IL3: variants seen among roughly 807,000 people sequenced by gnomAD.
IL3 encodes the protein interleukin 3.
In IL3, 15 loss-of-function variants were observed where a neutral mutation model predicts 15.4. That is an observed-to-expected ratio of 0.97 (90% CI 0.65 to 1.50). The LOEUF (loss-of-function observed/expected upper bound fraction) is 1.50. IL3 is among the 40% of genes most tolerant of loss of function. IL3 has a pLI of 0.00. For synonymous variants in IL3, 74 were observed against 79.3 expected (o/e 0.93, Z 0.36); for missense variants, 162 against 192.2 (o/e 0.84, Z 0.93).
chr5:132,061,768 A>ATT (rs11314637), intron 2 of IL3, among the ~76,000 whole-genome samples: 10 of 118,430 alleles, frequency 8.4e-5, no homozygotes, highest in Admixed American at 1.7e-4. Context: ...CTCCCCACCC[A>ATT]TTTTTTTTTT....
chr5:132,062,328 G>A lies in IL3; in HGVS notation c.221G>A (p.Arg74Lys). 6.2e-7 allele frequency: 1 copy of A among 1,614,016 alleles called. No individual in the cohort carries two copies. The highest frequency in any genetic ancestry group is 8.5e-7 in the Non-Finnish European group (1 of 1,179,842). Residue 74 changes from arginine (R) to lysine (K), a missense_variant, in exon 3 of 5, where the codon AGG becomes AAG. Arg to Lys is a conservative substitution (Grantham distance 26, BLOSUM62 2). Transcript: ENST00000296870. The part of the protein sequence containing the change: ...QDILMENNLR[R>K]PNLEAFNRAV... ...CCCCGTTAGGAAAATAACCTTCGAA[G>A]GCCAAACCTGGAGGCATTCAACAGG...
chr5:132,062,721 T>C lies in IL3; in HGVS notation c.389T>C (p.Leu130Pro). 8 of 1,614,204 alleles carry C rather than the reference T, an allele frequency of 5.0e-6. No individual in the cohort carries two copies. Among genetic ancestry groups the C allele is most frequent in the Non-Finnish European group, 5.9e-6 (7 of 1,180,014 alleles). Residue 130 changes from leucine (L) to proline (P), a missense_variant, in exon 5 of 5, where the codon CTG becomes CCG. Physicochemically the swap from Leu to Pro is moderately conservative, Grantham distance 98 (BLOSUM62 -3). Transcript: ENST00000296870. Reference protein sequence around the residue: ...DGDWNEFRRKLTFYLKTLENA... With the variant: ...DGDWNEFRRKPTFYLKTLENA... ...GACTGGAATGAATTCCGGAGGAAAC[T>C]GACGTTCTATCTGAAAACCCTTGAG...
intron 2 of IL3, among the ~76,000 whole-genome samples, chr5:132,061,444 C>T (rs1580731525): frequency 6.6e-6 from 1 of 152,166 alleles, no homozygotes; most frequent in Non-Finnish European, 1.5e-5. Flanking sequence ...TTCATGGTTC[C>T]AGTTGGTTGC....
rs188641601 is a variant in IL3, at chr5:132,062,798, C to T, written c.*7C>T. On this transcript the variant is annotated 3_prime_UTR_variant, in exon 5 of 5. Transcript: ENST00000296870. ...GAGCCTCGCGATCTTTTGAGTCCAA[C>T]GTCCAGCTCGTTCTCTGGGCCTTCT... 163 of 1,610,548 alleles carry T rather than the reference C, an allele frequency of 1.0e-4. No individual in the cohort carries two copies. Among genetic ancestry groups the T allele is most frequent in the Admixed American group, 2.7e-4 (16 of 59,878 alleles).
rs1352207829 is a variant in IL3, at chr5:132,060,967, G to A, written c.163G>A (p.Asp55Asn). 1.2e-6 allele frequency: 2 copies of A among 1,614,168 alleles called. No individual in the cohort carries two copies. Among genetic ancestry groups the A allele is most frequent in the South Asian group, 2.2e-5 (2 of 91,070 alleles). The change falls in exon 2 of 5, where the codon GAC becomes AAC. Residue 55 changes from aspartate to asparagine, a missense_variant and splice_region_variant. Asp to Asn is a conservative substitution (Grantham distance 23, BLOSUM62 1). Coordinates refer to ENST00000296870, the MANE Select transcript of IL3 (RefSeq NM_000588.4). ...HLKQPPLPLL[D>N]FNNLNGEDQD... The stretch of plus-strand genomic sequence containing the variant: ...CCTTTCTCTCCCTTCACCCCCACAG[G>A]ACTTCAACAACCTCAATGGGGAAGA...
chr5:132,062,477 T>C (rs1412263669), intron 3 of IL3, 49 bp from the exon 4 acceptor site: 1 of 1,613,176 alleles, frequency 6.2e-7, no homozygotes, highest in South Asian at 1.1e-5. Context: ...CAGGGCCCAC[T>C]CCCTTTCCAA....
rs569464811 is a variant in IL3 at position 132,061,183 on chromosome 5, C to G, written c.204+175C>G. On this transcript the variant is annotated intron_variant, in intron 2 of 4. Coordinates refer to ENST00000296870, the MANE Select transcript of IL3 (RefSeq NM_000588.4). ...CAATGTGCATGTTCTGGCCCAGCAT[C>G]TGGCACTTAAGAGTTCAATACATGG... Among the ~76,000 whole-genome samples the G allele has an allele frequency of 1.7e-3, 257 of 152,356 alleles. 1 individual carries two copies. Among genetic ancestry groups the G allele is most frequent in the African/African-American group, 5.9e-3 (245 of 41,586 alleles).
In IL3 at chr5:132,060,768, C is replaced by G. The variant is rs1229248309; in HGVS notation, c.62C>G (p.Pro21Arg). The change falls in exon 1 of 5, where the codon CCC becomes CGC. Residue 21 changes from proline (P) to arginine (R), a missense_variant. Physicochemically the swap from Pro to Arg is moderately radical, Grantham distance 103 (BLOSUM62 -2). Transcript: ENST00000296870. ...CTGGTCCGCCCCGGACTCCAAGCTC[C>G]CATGACCCAGACAACGCCCTTGAAG... ...QLLVRPGLQAPMTQTTPLKTS... is the reference protein window; with the variant it reads ...QLLVRPGLQARMTQTTPLKTS... 1 of 1,614,172 alleles carries G rather than the reference C, an allele frequency of 6.2e-7. No individual in the cohort carries two copies. The highest frequency in any genetic ancestry group is 1.1e-5 in the South Asian group (1 of 91,076).
intron 4 of IL3, 36 bp from the exon 5 acceptor site, chr5:132,062,633 G>GA (rs1225050276): frequency 6.2e-7 from 1 of 1,613,634 alleles, no homozygotes. Context: ...TTACAGCCTG[G>GA]ACTCACCTAA....
rs752253686 is a variant in IL3, at chr5:132,062,414, G to C, written c.294+13G>C. 5 of 1,613,578 alleles carry C rather than the reference G, an allele frequency of 3.1e-6. No homozygotes were observed. The highest frequency in any genetic ancestry group is 3.3e-5 in the Admixed American group (2 of 60,030). On this transcript the variant is annotated intron_variant, in intron 3 of 4. Transcript: ENST00000296870. Reference sequence around the variant, plus strand: ...GAGCATTCTTAAAGTATGTGAAGCTGTTGAGGGTTTGGGATCCCTGTGTTG... The same window carrying C: ...GAGCATTCTTAAAGTATGTGAAGCTCTTGAGGGTTTGGGATCCCTGTGTTG...
intron 2 of IL3, among the ~76,000 whole-genome samples, chr5:132,061,276 G>A (rs548831255): frequency 2.0e-5 from 3 of 152,338 alleles, no homozygotes; most frequent in African/African-American, 7.2e-5. Flanking sequence ...TTCTAGGTGA[G>A]GAATACCAAG....
Position 132,062,919 on chromosome 5 carries a change from C to T in IL3, c.*128C>T. The stretch of plus-strand genomic sequence containing the variant: ...AGGACCAGAAGCATTTCACCTTTTC[C>T]TGCGGCATCAGATGAATTGTTAATT... On this transcript the variant is annotated 3_prime_UTR_variant, in exon 5 of 5. Transcript: ENST00000296870. 1 of 1,255,836 alleles carries T rather than the reference C, an allele frequency of 8.0e-7. No homozygotes were observed. The highest frequency in any genetic ancestry group is 1.1e-6 in the Non-Finnish European group (1 of 923,930). The allele number at this position is 1,255,836 out of a possible 1,614,324, so 77.8% of individuals were successfully genotyped here.
Position 132,060,738 on chromosome 5 carries a change from A to G in IL3, c.32A>G (p.Gln11Arg). The G allele has an allele frequency of 6.2e-7, 1 of 1,613,696 alleles. No individual in the cohort carries two copies. Among genetic ancestry groups the G allele is most frequent in the Non-Finnish European group, 8.5e-7 (1 of 1,179,994 alleles). Residue 11 changes from glutamine to arginine, a missense_variant, in exon 1 of 5, where the codon CAA becomes CGA. Transcript: ENST00000296870. Reference sequence around the variant, plus strand: ...CGCCTGCCCGTCCTGCTCCTGCTCCAACTCCTGGTCCGCCCCGGACTCCAA... The same window carrying G: ...CGCCTGCCCGTCCTGCTCCTGCTCCGACTCCTGGTCCGCCCCGGACTCCAA... MSRLPVLLLL[Q>R]LLVRPGLQAP...
At chr5:132,062,184 G>A (rs572641727) in intron 2 of IL3, 128 bp from the exon 3 acceptor site, 80 of 773,416 alleles carry the variant, frequency 1.0e-4, no homozygotes, top group South Asian at 6.1e-4. Context: ...AGGCAAGAAC[G>A]GGACTAGGAG....
In IL3 at chr5:132,062,935, A is replaced by G. The variant is rs1756508673; in HGVS notation, c.*144A>G. ...CACCTTTTCCTGCGGCATCAGATGA[A>G]TTGTTAATTATCTAATTTCTGAAAT... On this transcript the variant is annotated 3_prime_UTR_variant, in exon 5 of 5. Coordinates refer to ENST00000296870, the MANE Select transcript of IL3 (RefSeq NM_000588.4). 9.1e-7 allele frequency: 1 copy of G among 1,093,460 alleles called. No individual in the cohort carries two copies. The allele number at this position is 1,093,460 out of a possible 1,614,324, so 67.7% of individuals were successfully genotyped here.
chr5:132,061,116 T>C, intron 2 of IL3, 108 bp downstream of exon 2: 1 of 945,286 alleles, frequency 1.1e-6, no homozygotes. Context: ...ATAGGGTTAA[T>C]AGCACCTATC....
Position 132,062,888 on chromosome 5 carries a change from C to T in IL3, c.*97C>T. Reference sequence around the variant, plus strand: ...TGAAACCTCTGGGTCATCTCTCACACATTCCAGGACCAGAAGCATTTCACC... The same window carrying T: ...TGAAACCTCTGGGTCATCTCTCACATATTCCAGGACCAGAAGCATTTCACC... On this transcript the variant is annotated 3_prime_UTR_variant, in exon 5 of 5. Coordinates refer to ENST00000296870, the MANE Select transcript of IL3 (RefSeq NM_000588.4). 6.9e-7 allele frequency: 1 copy of T among 1,452,096 alleles called. No homozygotes were observed. The allele number at this position is 1,452,096 out of a possible 1,614,324, so 90.0% of individuals were successfully genotyped here.
Position 132,060,699 on chromosome 5 carries a change from A to T in IL3, c.-8A>T, listed in dbSNP as rs775756435. On this transcript the variant is annotated 5_prime_UTR_variant, in exon 1 of 5. Transcript: ENST00000296870. Reference sequence around the variant, plus strand: ...GAACAAGACAGAGTGCCTCCTGCCGATCCAAACATGAGCCGCCTGCCCGTC... The same window carrying T: ...GAACAAGACAGAGTGCCTCCTGCCGTTCCAAACATGAGCCGCCTGCCCGTC... The T allele has an allele frequency of 3.7e-6, 6 of 1,612,608 alleles. No individual in the cohort carries two copies. The East Asian group carries it at 1.3e-4, about 36-fold the overall frequency.
chr5:132,062,622 A>C, intron 4 of IL3, 47 bp from the exon 5 acceptor site: 3 of 1,613,382 alleles, frequency 1.9e-6, no homozygotes, highest in Non-Finnish European at 2.5e-6. Context: ...GGTCATCACC[A>C]TTACAGCCTG....
Sources: allele counts gnomAD v4.1 joint callset (sites outside exome capture counted in the v4.1 genomes callset), GRCh38; gene constraint gnomAD v4.1.1; transcripts MANE v1.5; gene names NCBI Gene and HGNC (gene_info 2026-07-23, HGNC 2026-07-21).